Variants in SYN2 observed in about 807,000 individuals in gnomAD.
SYN2 encodes the protein synapsin II.
In SYN2, 19 loss-of-function variants were observed where a neutral mutation model predicts 50.9. The observed-to-expected ratio is 0.37, with a 90% CI of 0.26 to 0.55. SYN2 has a LOEUF of 0.55. Ranked by LOEUF, SYN2 falls within the 20% of genes least tolerant of loss-of-function variation. The pLI is 0.81. For missense variants in SYN2, 587 were observed against 576.4 expected (o/e 1.02, Z -0.19); for synonymous variants, 255 against 224.9 (o/e 1.13, Z -1.20).
At chr3:12,096,410 C>G (rs1407935226) in intron 1 of SYN2, among the ~76,000 whole-genome samples, 1 of 152,086 alleles carries the variant, frequency 6.6e-6, no homozygotes, top group Non-Finnish European at 1.5e-5. Flanking sequence ...CCCAGGTGTT[C>G]TGAGAACCAG....
rs1487214272 is a variant in SYN2, at chr3:12,184,057, A to G, written c.1369+685A>G. Reference sequence around the variant, plus strand: ...TTCTCCATTTGCTAAAATTTGGTGCAGTTTGAGTTTATGTGAATAGGCTGG... The same window carrying G: ...TTCTCCATTTGCTAAAATTTGGTGCGGTTTGAGTTTATGTGAATAGGCTGG... On this transcript the variant is annotated intron_variant, in intron 11 of 12. Transcript: ENST00000621198. The G allele has an allele frequency of 3.0e-6, 3 of 986,282 alleles. No homozygotes were observed. The East Asian group carries it at 3.4e-4, about 112-fold the overall frequency. The allele number at this position is 986,282 out of a possible 1,614,324, so 61.1% of individuals were successfully genotyped here.
chr3:12,160,682 G>T (rs1697625992), intron 5 of SYN2, among the ~76,000 whole-genome samples: 1 of 152,176 alleles, frequency 6.6e-6, no homozygotes, highest in South Asian at 2.1e-4. Context: ...TGAAGGCTGA[G>T]GCCCAGTGAG....
intron 1 of SYN2, among the ~76,000 whole-genome samples, chr3:12,019,942 A>G (rs1425476295): frequency 6.6e-6 from 1 of 152,218 alleles, no homozygotes; most frequent in Admixed American, 6.5e-5. Flanking sequence ...GCATTAGTCA[A>G]TTGATGATGC....
intron 8 of SYN2, among the ~76,000 whole-genome samples, chr3:12,167,789 C>T (rs1180824362): frequency 1.3e-5 from 2 of 152,102 alleles, no homozygotes; most frequent in Non-Finnish European, 2.9e-5. Flanking sequence ...AGGGAAAGTT[C>T]AGAACTTCTT....
rs1234544795 is a variant in SYN2 at position 12,004,940 on chromosome 3, G to C, written c.377+12G>C. ...CCGCACGCCGACTGGTAGGTGCCGGGCGCCGCCGCCCTCGGGGGTCGGGGT... is the reference window on the plus strand; with the variant it reads ...CCGCACGCCGACTGGTAGGTGCCGGCCGCCGCCGCCCTCGGGGGTCGGGGT... On this transcript the variant is annotated intron_variant, in intron 1 of 12. Coordinates refer to ENST00000621198, the MANE Select transcript of SYN2 (RefSeq NM_133625.6). 1.9e-6 allele frequency: 1 copy of C among 530,638 alleles called. No individual in the cohort carries two copies. 32.9% of individuals were successfully genotyped at this position (530,638 alleles called of 1,614,324 possible). A position where few individuals can be genotyped will look rare whatever the true frequency, so the allele number is the denominator to read the frequency against.
intron 1 of SYN2, among the ~76,000 whole-genome samples, chr3:12,022,740 G>C (rs565699133): frequency 1.1e-4 from 17 of 151,034 alleles, no homozygotes; most frequent in Middle Eastern, 3.4e-3. Flanking sequence ...TAGAGACAGA[G>C]TCTTGTTATG....
At chr3:12,009,861 G>A (rs1038950899) in intron 1 of SYN2, among the ~76,000 whole-genome samples, 2 of 152,156 alleles carry the variant, frequency 1.3e-5, no homozygotes, top group Non-Finnish European at 2.9e-5. Context: ...AGCACTTTGG[G>A]AGGCCGAGGT....
At chr3:12,048,205 T>C (rs1694784387) in intron 1 of SYN2, among the ~76,000 whole-genome samples, 1 of 152,216 alleles carries the variant, frequency 6.6e-6, no homozygotes, top group East Asian at 1.9e-4. Flanking sequence ...GACAGGGTCT[T>C]GCTCTATCAC....
At chr3:12,083,291 C>T (rs958309684) in intron 1 of SYN2, among the ~76,000 whole-genome samples, 1 of 152,210 alleles carries the variant, frequency 6.6e-6, no homozygotes, top group Non-Finnish European at 1.5e-5. Flanking sequence ...GGATTACAGG[C>T]GTGAGCCACT....
At chr3:12,187,741 T>A (rs1312762297) in intron 12 of SYN2, 129 bp downstream of exon 12, 1 of 1,366,160 alleles carries the variant, frequency 7.3e-7, no homozygotes, top group East Asian at 2.6e-5. Flanking sequence ...GGGATTTGGT[T>A]TTTTTTTGTT....
intron 10 of SYN2, 25 bp from the exon 11 acceptor site, chr3:12,183,287 T>C: frequency 6.3e-7 from 1 of 1,591,644 alleles, no homozygotes; most frequent in Non-Finnish European, 8.5e-7. Context: ...GTTTTGTTTT[T>C]ATCTCTTACA....
chr3:12,097,558 A>T (rs1409888230), intron 1 of SYN2, among the ~76,000 whole-genome samples: 1 of 151,640 alleles, frequency 6.6e-6, no homozygotes, highest in Non-Finnish European at 1.5e-5. Flanking sequence ...GTGAGCCAAG[A>T]TCACACCACT....
At chr3:12,044,153 G>A (rs1307477606) in intron 1 of SYN2, among the ~76,000 whole-genome samples, 3 of 120,778 alleles carry the variant, frequency 2.5e-5, no homozygotes, top group Non-Finnish European at 3.4e-5. Context: ...ACCTTTAGAA[G>A]GCAAAGTTCT....
intron 1 of SYN2, among the ~76,000 whole-genome samples, chr3:12,076,499 T>C (rs1695470307): frequency 6.6e-6 from 1 of 151,894 alleles, no homozygotes; most frequent in East Asian, 1.9e-4. Flanking sequence ...ATAATACATA[T>C]TCACCTTTTT....
chr3:12,177,422 G>A (rs181788602), intron 10 of SYN2, among the ~76,000 whole-genome samples: 49 of 152,228 alleles, frequency 3.2e-4, no homozygotes, highest in Middle Eastern at 3.4e-3. Context: ...TTAGCCACCC[G>A]TGTTCTAAAA....
At chr3:12,176,585 C>A (rs1028248793) in intron 10 of SYN2, among the ~76,000 whole-genome samples, 1 of 152,196 alleles carries the variant, frequency 6.6e-6, no homozygotes, top group Non-Finnish European at 1.5e-5. Flanking sequence ...TCTTCTCCTA[C>A]CCTGAGCTGA....
At chr3:12,183,447 T>C in intron 11 of SYN2, 75 bp downstream of exon 11, 16 of 1,610,114 alleles carry the variant, frequency 9.9e-6, no homozygotes, top group Non-Finnish European at 1.2e-5. Flanking sequence ...TTAAAATGAT[T>C]GGTGGTTAAT....
intron 1 of SYN2, among the ~76,000 whole-genome samples, chr3:12,055,598 C>T (rs921466098): frequency 2.0e-5 from 3 of 152,176 alleles, no homozygotes; most frequent in Non-Finnish European, 4.4e-5. Context: ...AGAACATGAA[C>T]ATGGTATATC....
rs537743530 is a variant in SYN2 at position 12,128,222 on chromosome 3, G to A, written c.378-12429G>A. Among the ~76,000 whole-genome samples, 11 of 152,308 alleles carry A rather than the reference G, an allele frequency of 7.2e-5. No individual in the cohort carries two copies. In the South Asian group the frequency reaches 2.3e-3, roughly 32 times the overall value. On this transcript the variant is annotated intron_variant, in intron 1 of 12. Transcript: ENST00000621198. ...AGTCTCCACAAGTGCTGGGATTACA[G>A]GTGTGAGCTACCACGCCCAGCCAAT...
Sources: allele counts gnomAD v4.1 joint callset (sites outside exome capture counted in the v4.1 genomes callset), GRCh38; gene constraint gnomAD v4.1.1; transcripts MANE v1.5; gene names NCBI Gene and HGNC (gene_info 2026-07-23, HGNC 2026-07-21).